Variants in MAP3K20 observed in about 807,000 individuals in gnomAD.
MAP3K20 encodes the protein mitogen-activated protein kinase kinase kinase 20, also known as HCCS-4.
MAP3K20 carries 40 observed loss-of-function variants against 85.7 expected under a neutral mutation model. That is an observed-to-expected ratio of 0.47 (90% confidence interval 0.36 to 0.61). MAP3K20 has a LOEUF of 0.61. Among genes scored for constraint, MAP3K20 ranks in the 20% least tolerant of loss-of-function variants. The probability of loss-of-function intolerance (pLI) is 0.00; values close to 1 mark genes in which losing one functional copy is unlikely to be tolerated. For synonymous variants in MAP3K20, 325 were observed against 327.7 expected, an observed-to-expected ratio of 0.99 and a Z score of 0.09; for missense variants, 817 against 961.7, an observed-to-expected ratio of 0.85 and a Z score of 1.99.
intron 2 of MAP3K20, among the ~76,000 whole-genome samples, chr2:173,093,691 G>T (rs1034356559): frequency 6.6e-6 from 1 of 151,956 alleles, no homozygotes. Context: ...ACATGCACAC[G>T]TATGTTTATT....
intron 8 of MAP3K20, among the ~76,000 whole-genome samples, chr2:173,203,249 C>T (rs572985403): frequency 1.3e-4 from 20 of 152,204 alleles, no homozygotes; most frequent in African/African-American, 4.3e-4. Context: ...TTTGTTGTAT[C>T]GGGTCCTTAA....
intron 2 of MAP3K20, among the ~76,000 whole-genome samples, chr2:173,121,996 G>A (rs1346913363): frequency 6.6e-6 from 1 of 152,148 alleles, no homozygotes; most frequent in African/African-American, 2.4e-5. Flanking sequence ...GCATATAATT[G>A]TATTCATTTG....
At chr2:173,133,820 T>C (rs1471674181) in intron 2 of MAP3K20, among the ~76,000 whole-genome samples, 6 of 142,138 alleles carry the variant, frequency 4.2e-5, no homozygotes, top group African/African-American at 1.5e-4. Flanking sequence ...CCATCTCTAC[T>C]AAAAAAAAAA....
chr2:173,075,937 G>A lies in MAP3K20; in HGVS notation c.-100G>A, dbSNP rs1301151040. 2 of 985,130 alleles carry A rather than the reference G, an allele frequency of 2.0e-6. No homozygotes were observed. The highest frequency in any genetic ancestry group is 4.7e-5 in the South Asian group (1 of 21,290). 61.0% of individuals were successfully genotyped at this position (985,130 alleles called of 1,614,324 possible). ...GCGGGCCGCTGTCGTCCCAACCCCC[G>A]CCGCCCTCGTCGCGCGCGGGGCCTC... On this transcript the variant is annotated 5_prime_UTR_variant, in exon 1 of 20. Transcript: ENST00000375213.
intron 9 of MAP3K20, chr2:173,207,425 G>C (rs1683724842): frequency 6.6e-6 from 1 of 152,318 alleles, no homozygotes; most frequent in African/African-American, 2.4e-5. Context: ...CTGGGAGGCA[G>C]AGGTTGCACT....
chr2:173,209,072 G>GT (rs1306549369), intron 9 of MAP3K20, among the ~76,000 whole-genome samples: 2 of 151,944 alleles, frequency 1.3e-5, no homozygotes, highest in African/African-American at 4.8e-5. Context: ...TAAAATTGGG[G>GT]TTTTTTCTTG....
chr2:173,254,705 C>T (rs908667878), intron 16 of MAP3K20, among the ~76,000 whole-genome samples: 22 of 152,044 alleles, frequency 1.4e-4, no homozygotes, highest in African/African-American at 5.1e-4. Context: ...CATTTGAATC[C>T]CAGAGTTGTG....
chr2:173,224,595 GAA>G, intron 11 of MAP3K20: 8 of 985,094 alleles, frequency 8.1e-6, no homozygotes, highest in Non-Finnish European at 9.6e-6. Flanking sequence ...AACCTAAAAG[GAA>G]TTAGAATACA....
chr2:173,237,014 T>A lies in MAP3K20; in HGVS notation c.1204-1359T>A, dbSNP rs551551871. ...TCAAACTGGACAGTGGAGCAGTATA[T>A]CCACCTTTTTTTTTTTTTTTTTTTT... is the stretch of plus-strand genomic sequence containing the variant. On this transcript the variant is annotated intron_variant, in intron 14 of 19. Coordinates refer to ENST00000375213, the MANE Select transcript of MAP3K20 (RefSeq NM_016653.3). Among the ~76,000 whole-genome samples the A allele has an allele frequency of 6.7e-5, 9 of 134,640 alleles. No homozygotes were observed. The South Asian group carries it at 2.0e-3, about 30-fold the overall frequency. The allele number at this position is 134,640 out of a possible 152,430, so 88.3% of individuals were successfully genotyped here.
chr2:173,099,216 C>G (rs1009172511), intron 2 of MAP3K20, among the ~76,000 whole-genome samples: 1 of 152,070 alleles, frequency 6.6e-6, no homozygotes, highest in African/African-American at 2.4e-5. Context: ...CCAATACTTT[C>G]AAATTCCAGC....
intron 18 of MAP3K20, among the ~76,000 whole-genome samples, chr2:173,261,512 G>A (rs1041621259): frequency 9.2e-5 from 14 of 152,254 alleles, no homozygotes; most frequent in Admixed American, 8.5e-4. Flanking sequence ...AAGGTACGTA[G>A]ACCCGGTGGG....
intron 16 of MAP3K20, among the ~76,000 whole-genome samples, chr2:173,255,150 T>A (rs576852111): frequency 2.1e-4 from 32 of 152,360 alleles, no homozygotes; most frequent in African/African-American, 7.5e-4. Flanking sequence ...CTATTATTTG[T>A]ATCAGTGTTT....
At chr2:173,155,355 A>G (rs1559255613) in intron 2 of MAP3K20, among the ~76,000 whole-genome samples, 1 of 152,148 alleles carries the variant, frequency 6.6e-6, no homozygotes, top group Non-Finnish European at 1.5e-5. Context: ...TATCTTGTAT[A>G]TTTCTTGATA....
intron 4 of MAP3K20, among the ~76,000 whole-genome samples, chr2:173,183,871 TC>T (rs1037274003): frequency 1.2e-4 from 19 of 152,206 alleles, no homozygotes; most frequent in African/African-American, 4.3e-4. Context: ...CTGTGTGACT[TC>T]CAAAAGTAGC....
intron 9 of MAP3K20, among the ~76,000 whole-genome samples, 185 bp downstream of exon 9, chr2:173,204,055 CATT>C (rs1161148512): frequency 3.3e-5 from 5 of 152,168 alleles, no homozygotes; most frequent in African/African-American, 7.2e-5. Flanking sequence ...TCTAGAGACT[CATT>C]ATTAACTCAT....
intron 7 of MAP3K20, 142 bp from the exon 8 acceptor site, chr2:173,197,884 T>TA: frequency 1.9e-6 from 1 of 519,044 alleles, no homozygotes; most frequent in South Asian, 2.8e-5. Flanking sequence ...GTTGTGTGCT[T>TA]AATTGTTTTG....
chr2:173,187,936 A>C (rs1690537523), intron 5 of MAP3K20, among the ~76,000 whole-genome samples: 1 of 152,178 alleles, frequency 6.6e-6, no homozygotes, highest in Non-Finnish European at 1.5e-5. Context: ...ATTTCCCTAG[A>C]ATCATTTTCT....
chr2:173,153,880 A>AT (rs1317273393), intron 2 of MAP3K20, among the ~76,000 whole-genome samples: 2 of 152,066 alleles, frequency 1.3e-5, no homozygotes, highest in Admixed American at 6.6e-5. Flanking sequence ...TACTTGTATT[A>AT]TTTTTTATTG....
chr2:173,245,893 T>G (rs1417964927), intron 16 of MAP3K20, among the ~76,000 whole-genome samples: 1 of 152,218 alleles, frequency 6.6e-6, no homozygotes, highest in African/African-American at 2.4e-5. Context: ...ATCGCACCAC[T>G]GCACTCCAGC....
Sources: gnomAD v4.1 joint callset for allele counts (sites outside exome capture counted in the v4.1 genomes callset) on GRCh38, gnomAD v4.1.1 for gene constraint, MANE v1.5 for transcripts, NCBI Gene and HGNC (gene_info 2026-07-23, HGNC 2026-07-21) for gene names.